The following SGCE variants were observed in gnomAD, a reference collection of about 807,000 sequenced individuals.
SGCE encodes the protein epsilon-sarcoglycan.
A neutral mutation model predicts 57.8 loss-of-function variants in SGCE; 26 were observed. That is an observed-to-expected ratio of 0.45 (90% CI 0.33 to 0.62). The LOEUF is 0.62. Ranked by LOEUF, SGCE falls within the 20% of genes least tolerant of loss-of-function variation. SGCE has a pLI of 0.02. For synonymous variants in SGCE, 183 were observed against 189.5 expected (o/e 0.97, Z 0.28); for missense variants, 468 against 548.6 (o/e 0.85, Z 1.47).
intron 1 of SGCE, among the ~76,000 whole-genome samples, chr7:94,648,376 C>CAAAAA (rs71123907): frequency 6.1e-5 from 4 of 65,078 alleles, no homozygotes; most frequent in Admixed American, 2.0e-4. Context: ...ACTCTGTCTC[C>CAAAAA]AAAAAAAAAA....
intron 1 of SGCE, among the ~76,000 whole-genome samples, chr7:94,653,455 T>C (rs1263883994): frequency 6.6e-6 from 1 of 152,096 alleles, no homozygotes; most frequent in Non-Finnish European, 1.5e-5. Flanking sequence ...GCAGAAATAG[T>C]CAACACCAGA....
Position 94,586,861 on chromosome 7 carries a change from A to C in SGCE, c.1298-1346T>G, listed in dbSNP as rs1020455728. On this transcript the variant is annotated intron_variant, in intron 10 of 10. Transcript: ENST00000648936. ...ACACCAATCTTGCATAATTATAAAA[A>C]AAAATGCTAGGGTGGTCTCTCTCCC... 3.0e-6 allele frequency: 3 copies of C among 985,280 alleles called. No individual in the cohort carries two copies. The African/African-American group carries it at 5.2e-5, about 17-fold the overall frequency. The allele number at this position is 985,280 out of a possible 1,614,324, so 61.0% of individuals were successfully genotyped here. A position where few individuals can be genotyped will look rare whatever the true frequency, so the allele number is the denominator to read the frequency against.
chr7:94,589,152 T>C (rs1257747666), intron 9 of SGCE: 3 of 203,874 alleles, frequency 1.5e-5, no homozygotes, highest in South Asian at 9.3e-5. Flanking sequence ...GAACAACATA[T>C]ATAACCACCT....
chr7:94,654,815 T>C (rs997943730), intron 1 of SGCE, among the ~76,000 whole-genome samples: 1 of 152,250 alleles, frequency 6.6e-6, no homozygotes, highest in African/African-American at 2.4e-5. Flanking sequence ...GCTCTTCAAA[T>C]ATGAAAGCGT....
chr7:94,626,996 T>C (rs1803821472), intron 3 of SGCE: 1 of 152,074 alleles, frequency 6.6e-6, no homozygotes, highest in African/African-American at 2.4e-5. Flanking sequence ...ATTGCATTTA[T>C]ATATTTCTTT....
At position 94,603,271 on chromosome 7, in the gene SGCE, A is replaced by G. The variant is rs777735591; in HGVS notation, c.825+19T>C. The stretch of plus-strand genomic sequence containing the variant: ...ACATTATTTTTAACTAAACTTGCAA[A>G]AACAAAATAAAAACTTACCAATGAA... On this transcript the variant is annotated intron_variant, in intron 6 of 10. Coordinates refer to ENST00000648936, the MANE Select transcript of SGCE (RefSeq NM_003919.3). The G allele has an allele frequency of 5.6e-6, 9 of 1,603,712 alleles. No individual in the cohort carries two copies. The South Asian group carries it at 6.6e-5, about 12-fold the overall frequency.
chr7:94,644,520 TAATA>T, intron 1 of SGCE: 2 of 468,956 alleles, frequency 4.3e-6, no homozygotes, highest in South Asian at 3.9e-5. Flanking sequence ...GGAAGGGAAA[TAATA>T]AATAATAACT....
At chr7:94,587,968 T>G in intron 10 of SGCE, 1 of 1,421,170 alleles carries the variant, frequency 7.0e-7, no homozygotes, top group Non-Finnish European at 9.1e-7. Flanking sequence ...CAACTTACAT[T>G]TTTAAAACTT....
chr7:94,607,250 A>G (rs886311254), intron 5 of SGCE, among the ~76,000 whole-genome samples: 1 of 152,176 alleles, frequency 6.6e-6, no homozygotes, highest in Non-Finnish European at 1.5e-5. Flanking sequence ...AACTCTCTAC[A>G]ATATTTCTCA....
At chr7:94,634,796 C>T (rs537403020) in intron 1 of SGCE, among the ~76,000 whole-genome samples, 2 of 152,224 alleles carry the variant, frequency 1.3e-5, no homozygotes, top group South Asian at 2.1e-4. Context: ...GAGAGAGAGC[C>T]ATTACTTAAG....
intron 3 of SGCE, chr7:94,625,349 T>C (rs1803525483): frequency 6.6e-6 from 1 of 152,048 alleles, no homozygotes; most frequent in African/African-American, 2.4e-5. Flanking sequence ...ATGAAAGATA[T>C]GGTAAACTTT....
chr7:94,588,564 G>A, intron 10 of SGCE, 125 bp downstream of exon 10: 4 of 1,526,300 alleles, frequency 2.6e-6, no homozygotes, highest in Non-Finnish European at 3.5e-6. Flanking sequence ...GTCTGATTAA[G>A]GAATGACACA....
chr7:94,592,193 A>C (rs1283609090), intron 9 of SGCE, among the ~76,000 whole-genome samples: 3 of 152,210 alleles, frequency 2.0e-5, no homozygotes, highest in Non-Finnish European at 4.4e-5. Context: ...TATGATGGGC[A>C]TATTTAAAAC....
chr7:94,598,751 T>C (rs772672801), intron 9 of SGCE, 24 bp downstream of exon 9: 1 of 1,495,148 alleles, frequency 6.7e-7, no homozygotes, highest in South Asian at 1.1e-5. Context: ...ATATTAATAA[T>C]TATGGCTCTA....
chr7:94,587,070 A>ATACC, intron 10 of SGCE: 2 of 985,030 alleles, frequency 2.0e-6, no homozygotes, highest in Non-Finnish European at 2.4e-6. Context: ...CTCAAGCAAA[A>ATACC]TACCTGCTCC....
intron 1 of SGCE, among the ~76,000 whole-genome samples, chr7:94,634,893 A>G (rs768792567): frequency 3.3e-5 from 5 of 152,338 alleles, no homozygotes; most frequent in African/African-American, 9.6e-5. Context: ...CATATATTAC[A>G]TAACTGTGAA....
At chr7:94,623,465 T>G (rs1198798347) in intron 3 of SGCE, 68 bp from the exon 4 acceptor site, 1 of 993,166 alleles carries the variant, frequency 1.0e-6, no homozygotes, top group Non-Finnish European at 1.6e-6. Flanking sequence ...CATTAAGGAT[T>G]AAAATGAAAA....
chr7:94,605,558 C>T (rs1799988972), intron 5 of SGCE, among the ~76,000 whole-genome samples: 2 of 151,892 alleles, frequency 1.3e-5, no homozygotes, highest in African/African-American at 4.8e-5. Context: ...ATTATTTTAT[C>T]ATAAGATACC....
chr7:94,588,043 A>C, intron 10 of SGCE: 1 of 1,369,844 alleles, frequency 7.3e-7, no homozygotes, highest in South Asian at 1.8e-5. Flanking sequence ...ACTAGGAATC[A>C]ACCACTAATT....
Sources: gnomAD v4.1 joint callset for allele counts (sites outside exome capture counted in the v4.1 genomes callset) on GRCh38, gnomAD v4.1.1 for gene constraint, MANE v1.5 for transcripts, NCBI Gene and HGNC (gene_info 2026-07-23, HGNC 2026-07-21) for gene names.